AGBL4: variants seen among roughly 807,000 people sequenced by gnomAD.
AGBL4 encodes AGBL carboxypeptidase 4, also known as cytosolic carboxypeptidase 6.
A neutral mutation model predicts 66.4 loss-of-function variants in AGBL4; 58 were observed. That is an observed-to-expected ratio of 0.87 (90% CI 0.71 to 1.09). The LOEUF (loss-of-function observed/expected upper bound fraction) is 1.09, where lower values mean the gene tolerates loss of function less well. Among genes scored for constraint, AGBL4 ranks in the 50% least tolerant of loss-of-function variants. The pLI is 0.00. For missense variants in AGBL4, 579 were observed against 631.0 expected, an observed-to-expected ratio of 0.92 and a Z score of 0.88; for synonymous variants, 234 against 222.9, an observed-to-expected ratio of 1.05 and a Z score of -0.44.
intron 9 of AGBL4, among the ~76,000 whole-genome samples, chr1:48,628,420 C>T (rs1360551695): frequency 1.3e-5 from 2 of 152,050 alleles, no homozygotes; most frequent in Non-Finnish European, 2.9e-5. Flanking sequence ...TCCTAACAAG[C>T]GGCACTTTGT....
intron 2 of AGBL4, among the ~76,000 whole-genome samples, chr1:49,726,224 A>C (rs1026376825): frequency 1.3e-5 from 2 of 152,148 alleles, no homozygotes; most frequent in Non-Finnish European, 2.9e-5. Flanking sequence ...ATGTGTGCAA[A>C]ATCACAGATA....
rs536284914 is a variant in AGBL4, at chr1:49,586,001, C to T, written c.282+111312G>A. 4.6e-5 allele frequency among the ~76,000 whole-genome samples: 7 copies of T among 152,322 alleles called. No homozygotes were observed. The South Asian group carries it at 1.2e-3, about 27-fold the overall frequency. Reference sequence around the variant, plus strand: ...CCTACCTTTACCCATATGTTAATTACAAGTTCTAAAATAATATCTTTGCTT... The same window carrying T: ...CCTACCTTTACCCATATGTTAATTATAAGTTCTAAAATAATATCTTTGCTT... On this transcript the variant is annotated intron_variant, in intron 3 of 13. Coordinates refer to ENST00000371839, the MANE Select transcript of AGBL4 (RefSeq NM_032785.4).
rs868204026 is a variant in AGBL4, at chr1:48,695,097, C to T, written c.635-31856G>A. ...TCTCAGAGTCCATGACTGTGTCACT[C>T]AGAGAATATAGGACTCTGTGACGGG... On this transcript the variant is annotated intron_variant, in intron 6 of 13. Transcript: ENST00000371839. Among the ~76,000 whole-genome samples, 11 of 152,306 alleles carry T rather than the reference C, an allele frequency of 7.2e-5. No homozygotes were observed. In the South Asian group the frequency reaches 2.1e-3, roughly 29 times the overall value.
chr1:49,205,115 C>T (rs1648030290), intron 4 of AGBL4, among the ~76,000 whole-genome samples: 1 of 152,052 alleles, frequency 6.6e-6, no homozygotes, highest in African/African-American at 2.4e-5. Flanking sequence ...CTCCATCTGT[C>T]CTGTGCTTCT....
intron 1 of AGBL4, among the ~76,000 whole-genome samples, chr1:50,010,265 C>A (rs1318208583): frequency 6.6e-6 from 1 of 151,660 alleles, no homozygotes; most frequent in Non-Finnish European, 1.5e-5. Flanking sequence ...CAAAATCATG[C>A]CACTGCACTC....
chr1:49,494,579 C>G (rs1273590414), intron 3 of AGBL4, among the ~76,000 whole-genome samples: 4 of 151,898 alleles, frequency 2.6e-5, no homozygotes, highest in Non-Finnish European at 5.9e-5. Flanking sequence ...CCAATTTCAT[C>G]CATGTCCCTA....
At chr1:49,777,748 G>T (rs1644235082) in intron 2 of AGBL4, among the ~76,000 whole-genome samples, 1 of 152,150 alleles carries the variant, frequency 6.6e-6, no homozygotes, top group Non-Finnish European at 1.5e-5. Context: ...TTGTAGGGAA[G>T]AGGAAGGATT....
intron 2 of AGBL4, among the ~76,000 whole-genome samples, chr1:49,817,077 A>G (rs1355106078): frequency 6.6e-6 from 1 of 152,174 alleles, no homozygotes; most frequent in Non-Finnish European, 1.5e-5. Context: ...ATACACAATG[A>G]CCACCTTCTT....
chr1:49,629,051 A>G (rs1003121178), intron 3 of AGBL4, among the ~76,000 whole-genome samples: 53 of 152,144 alleles, frequency 3.5e-4, no homozygotes, highest in African/African-American at 1.3e-3. Flanking sequence ...AGAGACCACC[A>G]CCCTGCATCC....
At chr1:49,644,742 T>C (rs937800876) in intron 3 of AGBL4, among the ~76,000 whole-genome samples, 1 of 151,542 alleles carries the variant, frequency 6.6e-6, no homozygotes, top group Non-Finnish European at 1.5e-5. Context: ...TGCAGAAGAC[T>C]TGAATAATAC....
intron 1 of AGBL4, among the ~76,000 whole-genome samples, chr1:49,917,238 T>C (rs917077977): frequency 1.3e-5 from 2 of 151,922 alleles, no homozygotes; most frequent in African/African-American, 4.8e-5. Flanking sequence ...CATAACAATA[T>C]TAACCTTAAA....
At chr1:48,678,442 G>C (rs1646402230) in intron 6 of AGBL4, among the ~76,000 whole-genome samples, 1 of 152,168 alleles carries the variant, frequency 6.6e-6, no homozygotes. Context: ...CACACATCTT[G>C]AGAATTTCCC....
At chr1:49,177,466 C>T (rs1646852950) in intron 4 of AGBL4, among the ~76,000 whole-genome samples, 1 of 152,164 alleles carries the variant, frequency 6.6e-6, no homozygotes, top group Non-Finnish European at 1.5e-5. Context: ...TGATCCTCCA[C>T]AAATCAATGG....
chr1:49,409,596 G>A (rs984040408), intron 3 of AGBL4, among the ~76,000 whole-genome samples: 7 of 152,174 alleles, frequency 4.6e-5, no homozygotes, highest in Non-Finnish European at 1.0e-4. Context: ...GCAGAAGTCA[G>A]ATAGGGCTTC....
At position 49,952,283 on chromosome 1, in the gene AGBL4, G is replaced by A. The variant is rs546882956; in HGVS notation, c.34+71480C>T. On this transcript the variant is annotated intron_variant, in intron 1 of 13. Transcript: ENST00000371839. ...CTGCCTCCCACAATCTGTTACAACC[G>A]TACCCTGCAATCATAACATGTAGTG... Among the ~76,000 whole-genome samples, 6 of 151,808 alleles carry A rather than the reference G, an allele frequency of 4.0e-5. No homozygotes were observed. The East Asian group carries it at 5.8e-4, about 15-fold the overall frequency.
chr1:49,845,119 C>T (rs1646103115), intron 2 of AGBL4: 9 of 1,438,336 alleles, frequency 6.3e-6, no homozygotes, highest in Admixed American at 1.7e-5. Flanking sequence ...CAGCTCAGCA[C>T]TTACCCAACA....
intron 4 of AGBL4, among the ~76,000 whole-genome samples, chr1:49,144,463 G>A (rs1646177135): frequency 6.6e-6 from 1 of 151,708 alleles, no homozygotes; most frequent in Non-Finnish European, 1.5e-5. Flanking sequence ...GGAGGGGAGG[G>A]GAGGGGAGTC....
At chr1:49,401,411 C>A (rs1645083238) in intron 3 of AGBL4, among the ~76,000 whole-genome samples, 1 of 152,278 alleles carries the variant, frequency 6.6e-6, no homozygotes, top group East Asian at 1.9e-4. Flanking sequence ...TCATATCACA[C>A]ATCAATTGAA....
At chr1:49,804,338 C>G (rs1431508603) in intron 2 of AGBL4, among the ~76,000 whole-genome samples, 1 of 151,970 alleles carries the variant, frequency 6.6e-6, no homozygotes, top group Non-Finnish European at 1.5e-5. Context: ...GTGTGTGGCC[C>G]AAGATAATTC....
Sources: gnomAD v4.1 joint callset for allele counts (sites outside exome capture counted in the v4.1 genomes callset) on GRCh38, gnomAD v4.1.1 for gene constraint, MANE v1.5 for transcripts, NCBI Gene and HGNC (gene_info 2026-07-23, HGNC 2026-07-21) for gene names.